Variants in AP1M2 observed in about 807,000 individuals in gnomAD.
AP1M2 encodes the protein adaptor related protein complex 1 subunit mu 2, also known as AP-1 complex subunit mu-2.
In AP1M2, 41 loss-of-function variants were observed where a neutral mutation model predicts 54.6. The observed-to-expected ratio is 0.75, with a 90% CI of 0.59 to 0.97. AP1M2 has a LOEUF of 0.97. Among genes scored for constraint, AP1M2 ranks in the 50% least tolerant of loss-of-function variants. The probability of loss-of-function intolerance (pLI) is 0.00; values close to 1 mark genes in which losing one functional copy is unlikely to be tolerated. For synonymous variants in AP1M2, 219 were observed against 215.9 expected, an observed-to-expected ratio of 1.01 and a Z score of -0.13; for missense variants, 507 against 561.2, an observed-to-expected ratio of 0.90 and a Z score of 0.98.
chr19:10,581,422 G>A, intron 5 of AP1M2, 30 bp from the exon 6 acceptor site: 1 of 1,610,284 alleles, frequency 6.2e-7, no homozygotes, highest in South Asian at 1.1e-5. Flanking sequence ...ATAGTTAGCA[G>A]GCATCAAACT....
At chr19:10,575,165 A>G (rs1265072549) in intron 9 of AP1M2, 136 bp from the exon 10 acceptor site, 1 of 1,031,008 alleles carries the variant, frequency 9.7e-7, no homozygotes, top group African/African-American at 1.7e-5. Flanking sequence ...TAGCCTGGGC[A>G]ACATATTGAG....
At chr19:10,585,349 A>AAGAAAGAG (rs1917623868) in intron 1 of AP1M2, among the ~76,000 whole-genome samples, 1 of 150,768 alleles carries the variant, frequency 6.6e-6, no homozygotes, top group Non-Finnish European at 1.5e-5. Flanking sequence ...GAAAGAAAGA[A>AAGAAAGAG]AGAAAGATGA....
intron 9 of AP1M2, among the ~76,000 whole-genome samples, chr19:10,576,258 AT>A (rs34667196): frequency 0.063 from 5,221 of 82,512 alleles, 87 homozygotes; most frequent in East Asian, 0.085. Context: ...TGCCCGGCTA[AT>A]TTTTTTTTTT....
intron 1 of AP1M2, among the ~76,000 whole-genome samples, chr19:10,584,488 G>A (rs1334018934): frequency 6.6e-6 from 1 of 152,194 alleles, no homozygotes; most frequent in Admixed American, 6.6e-5. Flanking sequence ...GCTGAGGCAG[G>A]AGGATCACTT....
In AP1M2 at chr19:10,583,660, T is replaced by A. The variant is rs568692300; in HGVS notation, c.213A>T (p.Thr71=). Residue 71 remains threonine (T), a synonymous_variant, in exon 3 of 12, where the codon ACA becomes ACT. Coordinates refer to ENST00000250244, the MANE Select transcript of AP1M2 (RefSeq NM_005498.5). ...CCAGGGAGGCATTGGCATTCTTCGA[T>A]GTGGTGGCCACCACTGGGGCAGCAA... ...KHSNLYLVAT[T]SKNANASLVY... 6.2e-7 allele frequency: 1 copy of A among 1,613,478 alleles called. No individual in the cohort carries two copies. Among genetic ancestry groups the A allele is most frequent in the African/African-American group, 1.3e-5 (1 of 75,024 alleles).
rs1444926906 is a variant in AP1M2, at chr19:10,581,736, G to A, written c.398+12C>T. 1 of 1,613,012 alleles carries A rather than the reference G, an allele frequency of 6.2e-7. No homozygotes were observed. Among genetic ancestry groups the A allele is most frequent in the Non-Finnish European group, 8.5e-7 (1 of 1,179,656 alleles). ...CAGTCCAGCCCATGGCTGCCTCCAG[G>A]GGTCCACTCACTCCTGCAGGATCTT... On this transcript the variant is annotated intron_variant, in intron 4 of 11. Transcript: ENST00000250244.
Position 10,577,375 on chromosome 19 carries a change from T to TG in AP1M2, c.889-20dup. The TG allele has an allele frequency of 6.5e-7, 1 of 1,546,998 alleles. No individual in the cohort carries two copies. Among genetic ancestry groups the TG allele is most frequent in the Non-Finnish European group, 8.8e-7 (1 of 1,138,582 alleles). ...CCTTGGCCTGTCAGGGGAGCGAGCA[T>TG]GGGGCACGAAGAATTCGCTTGCTCA... On this transcript the variant is annotated intron_variant, in intron 8 of 11. Coordinates refer to ENST00000250244, the MANE Select transcript of AP1M2 (RefSeq NM_005498.5).
At chr19:10,574,257 A>G (rs974757258) in intron 11 of AP1M2, 160 bp downstream of exon 11, 1 of 562,888 alleles carries the variant, frequency 1.8e-6, no homozygotes, top group Admixed American at 3.6e-5. Flanking sequence ...CGGCCTCAAG[A>G]GATCCACCCG....
rs1350444497 is a variant in AP1M2 at position 10,587,240 on chromosome 19, C to T, written c.-9G>A. 1.3e-6 allele frequency: 2 copies of T among 1,563,280 alleles called. No homozygotes were observed. The highest frequency in any genetic ancestry group is 2.4e-5 in the East Asian group (1 of 41,788). ...ACAGCCGAGGCGGACATGGTGGCGGCCGAAGGACTTAGGAGTCGGGGAGGG... is the reference window on the plus strand; with the variant it reads ...ACAGCCGAGGCGGACATGGTGGCGGTCGAAGGACTTAGGAGTCGGGGAGGG... On this transcript the variant is annotated 5_prime_UTR_variant, in exon 1 of 12. Coordinates refer to ENST00000250244, the MANE Select transcript of AP1M2 (RefSeq NM_005498.5).
intron 11 of AP1M2, 109 bp downstream of exon 11, chr19:10,574,308 T>A (rs891454482): frequency 1.1e-6 from 1 of 924,302 alleles, no homozygotes; most frequent in East Asian, 2.8e-5. Context: ...ACCTGAACCA[T>A]CACACCTGAC....
chr19:10,584,664 G>C (rs1036965063), intron 1 of AP1M2, among the ~76,000 whole-genome samples: 7 of 138,592 alleles, frequency 5.1e-5, no homozygotes, highest in Non-Finnish European at 1.1e-4. Flanking sequence ...GGGAAGGAAG[G>C]AAGGAAGGAA....
chr19:10,581,352 C>A lies in AP1M2; in HGVS notation c.587G>T (p.Gly196Val). Residue 196 changes from glycine (G) to valine (V), a missense_variant, in exon 6 of 12, where the codon GGT (glycine) becomes GTT (valine). By Grantham distance (109) the Gly-to-Val change is moderately radical. Coordinates refer to ENST00000250244, the MANE Select transcript of AP1M2 (RefSeq NM_005498.5). ...CAGAAACACCTTGAGCTTGATGGTA[C>A]CGACGATTTCGCTCAGAAGGACGCT... ...NGSVLLSEIV[G>V]TIKLKVFLSG... 6.2e-7 allele frequency: 1 copy of A among 1,613,470 alleles called. No individual in the cohort carries two copies. Among genetic ancestry groups the A allele is most frequent in the Non-Finnish European group, 8.5e-7 (1 of 1,179,466 alleles).
chr19:10,578,822 G>A lies in AP1M2; in HGVS notation c.888+70C>T, dbSNP rs922424487. ...CCACCCCGGCCTCCCAAAGTGCTGG[G>A]ATTACAGGTGTGAGCCACCGCACCC... On this transcript the variant is annotated intron_variant, in intron 8 of 11. Coordinates refer to ENST00000250244, the MANE Select transcript of AP1M2 (RefSeq NM_005498.5). 5 of 1,303,228 alleles carry A rather than the reference G, an allele frequency of 3.8e-6. No individual in the cohort carries two copies. In the African/African-American group the frequency reaches 7.4e-5, roughly 19 times the overall value. The allele number at this position is 1,303,228 out of a possible 1,614,324, so 80.7% of individuals were successfully genotyped here. A position where few individuals can be genotyped will look rare whatever the true frequency, so the allele number is the denominator to read the frequency against.
chr19:10,585,263 GGAAA>G (rs1223505922), intron 1 of AP1M2, among the ~76,000 whole-genome samples: 1 of 71,318 alleles, frequency 1.4e-5, no homozygotes, highest in African/African-American at 4.9e-5. Context: ...AAGGAAAGAA[GGAAA>G]GAAAGAAAGA....
At chr19:10,578,813 A>T (rs1599549655) in intron 8 of AP1M2, 79 bp downstream of exon 8, 1 of 1,183,002 alleles carries the variant, frequency 8.5e-7, no homozygotes, top group African/African-American at 1.5e-5. Context: ...CGGCCTCCCA[A>T]AGTGCTGGGA....
intron 4 of AP1M2, 40 bp from the exon 5 acceptor site, chr19:10,581,674 G>C (rs753436956): frequency 1.9e-6 from 3 of 1,612,636 alleles, no homozygotes; most frequent in Admixed American, 3.3e-5. Context: ...TGGACCCAGG[G>C]ACACCTCCGT....
chr19:10,584,289 G>A (rs927844659), intron 1 of AP1M2, among the ~76,000 whole-genome samples: 3 of 152,172 alleles, frequency 2.0e-5, no homozygotes, highest in African/African-American at 7.2e-5. Context: ...TTTATTAAAG[G>A]GTAGGCGATG....
chr19:10,574,424 C>T lies in AP1M2; in HGVS notation c.1242G>A (p.Gln414=). The T allele has an allele frequency of 6.4e-7, 1 of 1,556,612 alleles. No individual in the cohort carries two copies. The highest frequency in any genetic ancestry group is 8.7e-7 in the Non-Finnish European group (1 of 1,150,450). ...QALPWVRYIT[Q]SGDYQLRTS ...GGAGCTGGGCTGCCTTACCGCCACTCTGGGTGATGTAGCGAACCCAGGGCA... is the reference window on the plus strand; with the variant it reads ...GGAGCTGGGCTGCCTTACCGCCACTTTGGGTGATGTAGCGAACCCAGGGCA... Residue 414 remains glutamine, a synonymous_variant, in exon 11 of 12, where the codon CAG becomes CAA. Coordinates refer to ENST00000250244, the MANE Select transcript of AP1M2 (RefSeq NM_005498.5).
At chr19:10,586,050 G>A (rs1426313109) in intron 1 of AP1M2, among the ~76,000 whole-genome samples, 3 of 152,028 alleles carry the variant, frequency 2.0e-5, no homozygotes, top group Non-Finnish European at 2.9e-5. Context: ...TTGGGAGGCC[G>A]AGGTGGGCGG....
Sources: gnomAD v4.1 joint callset for allele counts (sites outside exome capture counted in the v4.1 genomes callset) on GRCh38, gnomAD v4.1.1 for gene constraint, MANE v1.5 for transcripts, NCBI Gene and HGNC (gene_info 2026-07-23, HGNC 2026-07-21) for gene names.